UNC79: variants seen among roughly 807,000 people sequenced by gnomAD.
The protein encoded by UNC79 is protein unc-79 homolog.
Under a neutral mutation model 283.1 loss-of-function variants are expected in UNC79, and 37 were observed. The observed-to-expected ratio is 0.13, with a 90% confidence interval of 0.10 to 0.17. The LOEUF (loss-of-function observed/expected upper bound fraction) is 0.17, where lower values mean the gene tolerates loss of function less well. Ranked by LOEUF, UNC79 falls within the 10% of genes least tolerant of loss-of-function variation. The probability of loss-of-function intolerance (pLI) is 1.00; values close to 1 mark genes in which losing one functional copy is unlikely to be tolerated. For missense variants in UNC79, 2,272 were observed against 3,211.1 expected (o/e 0.71, Z 7.07); for synonymous variants, 1,107 against 1,200.2 (o/e 0.92, Z 1.61).
At chr14:93,634,795 A>G (rs891651125) in intron 31 of UNC79, among the ~76,000 whole-genome samples, 158 bp downstream of exon 34, 1 of 152,094 alleles carries the variant, frequency 6.6e-6, no homozygotes, top group African/African-American at 2.4e-5. Flanking sequence ...AAGTCTATTT[A>G]AACTTCCCAA....
rs146493878 is a variant in UNC79, at chr14:93,566,907, A to T, written c.1756-4987A>T. ...GCTGGGATTACAGGCTTGAGCCACC[A>T]CGCTCGGCCTGGAATTCTTTAAGTA... On this transcript the variant is annotated intron_variant, in intron 14 of 48. Coordinates refer to ENST00000555664, the Ensembl canonical transcript of UNC79. Among the ~76,000 whole-genome samples the T allele has an allele frequency of 8.0e-3, 1,212 of 152,192 alleles. 11 individuals carry two copies. Among genetic ancestry groups the T allele is most frequent in the Middle Eastern group, 0.044 (13 of 294 alleles).
chr14:93,529,466 A>T, intron 10 of UNC79, 140 bp downstream of exon 10: 15 of 846,264 alleles, frequency 1.8e-5, no homozygotes, highest in Non-Finnish European at 2.7e-5. Flanking sequence ...GATATGAAGC[A>T]TAATATCAAT....
intron 1 of UNC79, among the ~76,000 whole-genome samples, chr14:93,363,492 G>T (rs2054266012): frequency 6.6e-6 from 1 of 152,152 alleles, no homozygotes; most frequent in African/African-American, 2.4e-5. Context: ...TTGGTCAAGT[G>T]TTGAGTTTAG....
chr14:93,478,154 CT>C (rs2057909268), intron 4 of UNC79, among the ~76,000 whole-genome samples: 2 of 152,170 alleles, frequency 1.3e-5, no homozygotes, highest in Non-Finnish European at 2.9e-5. Flanking sequence ...CCAGCTCTGC[CT>C]CTAATCTGGG....
chr14:93,422,091 G>A (rs974844539), intron 1 of UNC79, among the ~76,000 whole-genome samples: 2 of 151,754 alleles, frequency 1.3e-5, no homozygotes, highest in African/African-American at 4.8e-5. Flanking sequence ...ACCCTCAGGA[G>A]GTCCTGATGA....
At chr14:93,542,076 T>C (rs2061409010) in intron 13 of UNC79, among the ~76,000 whole-genome samples, 1 of 151,904 alleles carries the variant, frequency 6.6e-6, no homozygotes, top group African/African-American at 2.4e-5. Flanking sequence ...ATCTGAATTA[T>C]TACTAATACA....
intron 35 of UNC79, among the ~76,000 whole-genome samples, chr14:93,649,895 A>G (rs959671332): frequency 3.9e-5 from 6 of 152,196 alleles, no homozygotes; most frequent in Non-Finnish European, 7.3e-5. Context: ...TCAAATGCAT[A>G]TGACTGTGTA....
chr14:93,357,420 C>T (rs922023047), intron 1 of UNC79, among the ~76,000 whole-genome samples: 1 of 151,880 alleles, frequency 6.6e-6, no homozygotes, highest in Non-Finnish European at 1.5e-5. Flanking sequence ...CAAACCCACC[C>T]TCGATCTGGT....
chr14:93,707,118 T>C, downstream of UNC79: 1 of 444,200 alleles, frequency 2.3e-6, no homozygotes, highest in Non-Finnish European at 3.9e-6. Flanking sequence ...ATTAAGTGTT[T>C]CCTTACATTA....
At chr14:93,570,602 G>A (rs1003791231) in intron 14 of UNC79, among the ~76,000 whole-genome samples, 6 of 152,186 alleles carry the variant, frequency 3.9e-5, no homozygotes, top group African/African-American at 1.2e-4. Flanking sequence ...TTAAATTTTT[G>A]TTCTAAATCT....
chr14:93,396,777 A>ATGTGTATGTG (rs2055006981), intron 1 of UNC79, among the ~76,000 whole-genome samples: 1 of 144,380 alleles, frequency 6.9e-6, no homozygotes, highest in African/African-American at 2.6e-5. Flanking sequence ...ATGTGTGTGT[A>ATGTGTATGTG]TGTGTGTGTG....
chr14:93,509,500 A>T (rs916313003), intron 7 of UNC79, among the ~76,000 whole-genome samples: 1 of 152,196 alleles, frequency 6.6e-6, no homozygotes, highest in Non-Finnish European at 1.5e-5. Context: ...ACAGATTATA[A>T]TGGGGATACA....
chr14:93,638,371 G>A (rs1053515689), intron 32 of UNC79, among the ~76,000 whole-genome samples: 1 of 152,160 alleles, frequency 6.6e-6, no homozygotes, highest in Non-Finnish European at 1.5e-5. Context: ...GTAGAAGTAA[G>A]GGTGGTTGAA....
intron 1 of UNC79, among the ~76,000 whole-genome samples, chr14:93,360,366 C>T (rs1368803487): frequency 1.3e-5 from 2 of 152,246 alleles, no homozygotes; most frequent in African/African-American, 2.4e-5. Context: ...ATTCCCTTCA[C>T]ATCCCCAGTC....
intron 34 of UNC79, among the ~76,000 whole-genome samples, chr14:93,645,655 A>G (rs948726082): frequency 6.6e-6 from 1 of 152,126 alleles, no homozygotes; most frequent in Non-Finnish European, 1.5e-5. Flanking sequence ...GCTTTTCCAT[A>G]TGATCTCATA....
At chr14:93,540,467 G>C (rs1469280052) in intron 12 of UNC79, among the ~76,000 whole-genome samples, 193 bp from the exon 13 acceptor site, 1 of 152,120 alleles carries the variant, frequency 6.6e-6, no homozygotes, top group Non-Finnish European at 1.5e-5. Flanking sequence ...GTATAAAATA[G>C]TAAGAAAATA....
intron 14 of UNC79, among the ~76,000 whole-genome samples, chr14:93,560,643 G>A (rs533924023): frequency 5.3e-5 from 8 of 152,114 alleles, no homozygotes; most frequent in African/African-American, 7.2e-5. Flanking sequence ...GGAGCTCTTC[G>A]GTCCCATTCG....
Position 93,600,531 on chromosome 14 carries a change from TTTC to T in UNC79, c.3373-32_3373-30del, listed in dbSNP as rs550405420. On this transcript the variant is annotated intron_variant, in intron 24 of 48. Transcript: ENST00000555664. Reference sequence around the variant, plus strand: ...AGTAACTTAGATGTTTATATCTGACTTTCTTCTTTTCTTTTTTTTTTTCCTCCT... The same window carrying T: ...AGTAACTTAGATGTTTATATCTGACTTTCTTTTCTTTTTTTTTTTCCTCCT... 1,515 of 1,526,280 alleles carry T rather than the reference TTTC, an allele frequency of 9.9e-4. 5 individuals carry two copies. In the African/African-American group the frequency reaches 0.015, roughly 15 times the overall value. The allele number at this position is 1,526,280 out of a possible 1,614,324, so 94.5% of individuals were successfully genotyped here.
intron 26 of UNC79, among the ~76,000 whole-genome samples, chr14:93,608,324 T>A (rs1052366026): frequency 1.3e-5 from 2 of 152,096 alleles, no homozygotes; most frequent in Admixed American, 1.3e-4. Context: ...GTAGGATGAG[T>A]CATGTCAAAT....
Sources: gnomAD v4.1 joint callset for allele counts (sites outside exome capture counted in the v4.1 genomes callset) on GRCh38, gnomAD v4.1.1 for gene constraint, MANE v1.5 for transcripts, NCBI Gene and HGNC (gene_info 2026-07-23, HGNC 2026-07-21) for gene names.